The following COL24A1 variants were observed in gnomAD, a reference collection of about 807,000 sequenced individuals.
COL24A1 encodes collagen type XXIV alpha 1 chain.
Under a neutral mutation model 253.9 loss-of-function variants are expected in COL24A1, and 224 were observed. The observed-to-expected ratio is 0.88, with a 90% CI of 0.79 to 0.99. The LOEUF (loss-of-function observed/expected upper bound fraction) is 0.99. COL24A1 is among the 50% of genes least tolerant of loss of function. The pLI, the probability that COL24A1 is intolerant of heterozygous loss-of-function variation, is 0.00. For missense variants in COL24A1, 2,131 were observed against 2,068.5 expected, an observed-to-expected ratio of 1.03 and a Z score of -0.59; for synonymous variants, 685 against 673.7, an observed-to-expected ratio of 1.02 and a Z score of -0.26.
chr1:85,801,951 C>T (rs1304695897), intron 47 of COL24A1, among the ~76,000 whole-genome samples: 2 of 146,004 alleles, frequency 1.4e-5, no homozygotes, highest in Non-Finnish European at 2.9e-5. Context: ...ATATCTCTCT[C>T]TCTCCCTCAT....
At chr1:85,944,375 C>T (rs1307992630) in intron 24 of COL24A1, among the ~76,000 whole-genome samples, 2 of 151,930 alleles carry the variant, frequency 1.3e-5, no homozygotes, top group East Asian at 1.9e-4. Context: ...GTTATCATTG[C>T]CTATTTTATT....
chr1:85,748,163 C>G (rs1028213351), intron 55 of COL24A1, among the ~76,000 whole-genome samples: 1 of 152,148 alleles, frequency 6.6e-6, no homozygotes, highest in Non-Finnish European at 1.5e-5. Flanking sequence ...CAAATTCTGT[C>G]AGTTGTTTTC....
intron 28 of COL24A1, among the ~76,000 whole-genome samples, chr1:85,904,242 G>A (rs945083281): frequency 6.6e-6 from 1 of 152,126 alleles, no homozygotes; most frequent in African/African-American, 2.4e-5. Context: ...TAGAGAAAGA[G>A]TGCAAACTTA....
At chr1:85,874,754 T>C (rs1292913755) in intron 34 of COL24A1, 52 bp from the exon 35 acceptor site, 2 of 1,578,136 alleles carry the variant, frequency 1.3e-6, no homozygotes, top group African/African-American at 2.7e-5. Flanking sequence ...ACTGCATGGC[T>C]AATTATGGAG....
chr1:85,817,905 T>C, intron 46 of COL24A1, 129 bp downstream of exon 46: 1 of 768,272 alleles, frequency 1.3e-6, no homozygotes, highest in Admixed American at 2.4e-5. Context: ...CCAGCATGGG[T>C]TTAATTTTTT....
intron 43 of COL24A1, among the ~76,000 whole-genome samples, chr1:85,830,643 C>G (rs556674186): frequency 6.6e-6 from 1 of 152,226 alleles, no homozygotes; most frequent in Admixed American, 6.6e-5. Context: ...TTTTAAAGCC[C>G]GTCGGAAAAG....
At chr1:85,967,481 A>G (rs574281423) in intron 22 of COL24A1, among the ~76,000 whole-genome samples, 2 of 152,298 alleles carry the variant, frequency 1.3e-5, no homozygotes, top group South Asian at 2.1e-4. Context: ...AGATTGGATA[A>G]TAAGAGAGAA....
At chr1:85,870,058 A>G (rs181050141) in intron 35 of COL24A1, among the ~76,000 whole-genome samples, 62 of 152,304 alleles carry the variant, frequency 4.1e-4, no homozygotes, top group African/African-American at 1.4e-3. Context: ...CTAGTCACTG[A>G]TAAAAAGACT....
intron 57 of COL24A1, among the ~76,000 whole-genome samples, chr1:85,739,272 G>C (rs536575009): frequency 5.8e-4 from 88 of 152,158 alleles, no homozygotes; most frequent in Middle Eastern, 6.8e-3. Context: ...TTTATAAAAG[G>C]TTTTCCATCA....
chr1:85,847,195 T>C (rs1032507035), intron 39 of COL24A1, among the ~76,000 whole-genome samples: 5 of 152,206 alleles, frequency 3.3e-5, no homozygotes, highest in Non-Finnish European at 7.4e-5. Context: ...AGATGAAAGA[T>C]AAAATTAGAT....
intron 2 of COL24A1, among the ~76,000 whole-genome samples, chr1:86,138,656 G>C (rs1219543405): frequency 6.6e-6 from 1 of 152,094 alleles, no homozygotes; most frequent in South Asian, 2.1e-4. Context: ...ATATGGAACT[G>C]TAAGTCCACT....
chr1:85,990,393 C>G (rs1694139740), intron 19 of COL24A1, among the ~76,000 whole-genome samples: 1 of 152,156 alleles, frequency 6.6e-6, no homozygotes, highest in East Asian at 1.9e-4. Context: ...TTCAGATCAT[C>G]AGGCATTAGA....
intron 19 of COL24A1, among the ~76,000 whole-genome samples, chr1:85,997,897 G>A (rs550700982): frequency 1.3e-5 from 2 of 152,258 alleles, no homozygotes; most frequent in South Asian, 4.1e-4. Context: ...GGCAACAGAA[G>A]CCTAGAGTTG....
chr1:85,990,635 A>G (rs115866531), intron 19 of COL24A1, among the ~76,000 whole-genome samples: 3,052 of 152,296 alleles, frequency 0.02, 36 homozygotes, highest in Middle Eastern at 0.075. Context: ...CATGCCAGAA[A>G]ACAAGAAAGC....
At chr1:85,997,041 A>ATGTGTGTGTG (rs1212886965) in intron 19 of COL24A1, among the ~76,000 whole-genome samples, 10,244 of 81,114 alleles carry the variant, frequency 0.13, 1,333 homozygotes, top group East Asian at 0.24. Context: ...ATATATATAT[A>ATGTGTGTGTG]TGTGTGTGTG....
intron 5 of COL24A1, among the ~76,000 whole-genome samples, chr1:86,094,296 G>A (rs1703734663): frequency 6.6e-6 from 1 of 152,062 alleles, no homozygotes; most frequent in Non-Finnish European, 1.5e-5. Flanking sequence ...TATACACCAT[G>A]GAATACTATG....
intron 24 of COL24A1, among the ~76,000 whole-genome samples, chr1:85,923,995 C>T (rs1024700030): frequency 2.6e-5 from 4 of 152,078 alleles, no homozygotes; most frequent in South Asian, 2.1e-4. Context: ...GATATCATCA[C>T]GGATCTCACA....
rs1447851484 is a variant in COL24A1 at position 86,109,543 on chromosome 1, C to G, written c.1599+3024G>C. Among the ~76,000 whole-genome samples the G allele has an allele frequency of 3.9e-5, 6 of 152,142 alleles. No homozygotes were observed. The South Asian group carries it at 6.2e-4, about 16-fold the overall frequency. On this transcript the variant is annotated intron_variant, in intron 5 of 59. Transcript: ENST00000370571. ...GCCTAAGCAAGCAATTTGCTTTTAG[C>G]CATTCAAATTGAAAGAGTTAAGACT... is the stretch of plus-strand genomic sequence containing the variant.
Position 85,784,115 on chromosome 1 carries a change from T to C in COL24A1, c.4219A>G (p.Lys1407Glu), listed in dbSNP as rs776117641. Residue 1407 changes from lysine (K) to glutamate (E), a missense_variant and splice_region_variant, in exon 50 of 60, where the codon AAA (lysine) becomes GAA (glutamate). Lys to Glu is a moderately conservative substitution (Grantham distance 56). Transcript: ENST00000370571. The stretch of plus-strand genomic sequence containing the variant: ...TAGAAGAAAGTATGTAAACATACTT[T>C]AGGGCCTGGGAATCCTTGGAAACCT... Reference protein sequence around the residue: ...LTGFQGFPGPKGPEGDAGIVG... With the variant: ...LTGFQGFPGPEGPEGDAGIVG... The C allele has an allele frequency of 1.1e-5, 17 of 1,611,802 alleles. No homozygotes were observed. The highest frequency in any genetic ancestry group is 4.0e-5 in the African/African-American group (3 of 74,846).
Sources: gnomAD v4.1 joint callset for allele counts (sites outside exome capture counted in the v4.1 genomes callset) on GRCh38, gnomAD v4.1.1 for gene constraint, MANE v1.5 for transcripts, NCBI Gene and HGNC (gene_info 2026-07-23, HGNC 2026-07-21) for gene names.